RBPJL: variants seen among roughly 807,000 people sequenced by gnomAD.
The protein encoded by RBPJL is recombining binding protein suppressor of hairless-like protein.
In RBPJL, 50 loss-of-function variants were observed where a neutral mutation model predicts 57.6. That is an observed-to-expected ratio of 0.87 (90% confidence interval 0.69 to 1.10). RBPJL has a LOEUF of 1.10. Among genes scored for constraint, RBPJL ranks in the 50% least tolerant of loss-of-function variants. RBPJL has a pLI of 0.00. For synonymous variants in RBPJL, 303 were observed against 294.4 expected (o/e 1.03, Z -0.30); for missense variants, 684 against 693.7 (o/e 0.99, Z 0.16).
chr20:45,312,183 G>T lies in RBPJL; in HGVS notation c.445-38G>T, dbSNP rs534505426. Reference sequence around the variant, plus strand: ...AGGTTGGTTCATCCGACGGGGGAGGGCTGGGATGAGATGGCCCTGTACCTG... The same window carrying T: ...AGGTTGGTTCATCCGACGGGGGAGGTCTGGGATGAGATGGCCCTGTACCTG... On this transcript the variant is annotated intron_variant, in intron 5 of 11. Transcript: ENST00000343694. The T allele has an allele frequency of 5.7e-4, 912 of 1,613,468 alleles. 11 individuals are homozygous for T. In the South Asian group the frequency reaches 9.5e-3, roughly 17 times the overall value.
At chr20:45,311,983 C>T in intron 5 of RBPJL, 29 bp downstream of exon 5, 23 of 1,505,236 alleles carry the variant, frequency 1.5e-5, no homozygotes, top group Non-Finnish European at 1.9e-5. Flanking sequence ...GGGTCCGATT[C>T]CTGCTCCCAT....
At position 45,317,103 on chromosome 20, in the gene RBPJL, G is replaced by A; in HGVS notation, c.*144G>A. On this transcript the variant is annotated 3_prime_UTR_variant, in exon 12 of 12. Coordinates refer to ENST00000343694, the MANE Select transcript of RBPJL (RefSeq NM_014276.4). ...AGGCTCACCCTAGAAACCGGGCCTGGTGGGTCTTACCCGGCTCACTCCCTC... is the reference window on the plus strand; with the variant it reads ...AGGCTCACCCTAGAAACCGGGCCTGATGGGTCTTACCCGGCTCACTCCCTC... The A allele has an allele frequency of 2.0e-6, 2 of 1,013,580 alleles. No homozygotes were observed. The highest frequency in any genetic ancestry group is 2.9e-6 in the Non-Finnish European group (2 of 701,206). 62.8% of individuals were successfully genotyped at this position (1,013,580 alleles called of 1,614,324 possible). A position where few individuals can be genotyped will look rare whatever the true frequency, so the allele number is the denominator to read the frequency against.
chr20:45,312,389 A>G lies in RBPJL; in HGVS notation c.613A>G (p.Thr205Ala). ...PSQKKQSLKN[T>A]DLCISSGSKV... ...GCAGAAGAAGCAGTCGCTGAAAAAC[A>G]CCGATCGTGAGCAGGGCGGGGCCTG... Residue 205 changes from threonine to alanine, a missense_variant, in exon 6 of 12, where the codon ACC becomes GCC. Physicochemically the swap from Thr to Ala is moderately conservative, Grantham distance 58. Coordinates refer to ENST00000343694, the MANE Select transcript of RBPJL (RefSeq NM_014276.4). 4 of 1,613,236 alleles carry G rather than the reference A, an allele frequency of 2.5e-6. No homozygotes were observed. The South Asian group carries it at 4.4e-5, about 18-fold the overall frequency.
rs779909933 is a variant in RBPJL at position 45,312,219 on chromosome 20, A to G, written c.445-2A>G. 6.2e-7 allele frequency: 1 copy of G among 1,614,102 alleles called. No homozygotes were observed. Among genetic ancestry groups the G allele is most frequent in the Non-Finnish European group, 8.5e-7 (1 of 1,179,990 alleles). ...ATGGCCCTGTACCTGTGAGCCCCCT[A>G]GGAATTCGGCTGCGCCAAGACCCTG... On this transcript the variant is annotated splice_acceptor_variant, in intron 5 of 11. Coordinates refer to ENST00000343694, the MANE Select transcript of RBPJL (RefSeq NM_014276.4). LOFTEE classifies it high-confidence loss of function.
At position 45,316,559 on chromosome 20, in the gene RBPJL, T is replaced by C; in HGVS notation, c.1259T>C (p.Val420Ala). Residue 420 changes from valine to alanine, a missense_variant, in exon 11 of 12, where the codon GTG (valine) becomes GCG (alanine). Val to Ala is a moderately conservative substitution (Grantham distance 64, BLOSUM62 0). Transcript: ENST00000343694. ...GGGCTCAAGGTGTGGTTTGGGGACG[T>C]GGAGGCAGAAACCATGTACAGGTAC... Reference protein sequence around the residue: ...HAGLKVWFGDVEAETMYRSPR... With the variant: ...HAGLKVWFGDAEAETMYRSPR... 1 of 1,535,414 alleles carries C rather than the reference T, an allele frequency of 6.5e-7. No individual in the cohort carries two copies. Among genetic ancestry groups the C allele is most frequent in the Non-Finnish European group, 8.8e-7 (1 of 1,141,642 alleles).
chr20:45,308,076 G>A, intron 1 of RBPJL, 67 bp from the exon 2 acceptor site: 1 of 1,128,402 alleles, frequency 8.9e-7, no homozygotes, highest in Non-Finnish European at 1.3e-6. Context: ...ATCAGATAGG[G>A]CACCCTAGGC....
chr20:45,310,525 T>C (rs1987112446), intron 3 of RBPJL, among the ~76,000 whole-genome samples: 2 of 151,774 alleles, frequency 1.3e-5, no homozygotes, highest in African/African-American at 4.8e-5. Flanking sequence ...GATAATTGGT[T>C]GAACCCGGGA....
chr20:45,317,785 T>A lies in RBPJL; in HGVS notation c.*826T>A, dbSNP rs952436822. On this transcript the variant is annotated 3_prime_UTR_variant, in exon 12 of 12. Transcript: ENST00000343694. ...GCCCAGCAGGACGCAGTCCTGAGGA[T>A]CAGGGATTCTACAGCTGCATTAAAA... 2 of 152,346 alleles carry A rather than the reference T, an allele frequency of 1.3e-5. No homozygotes were observed. Among genetic ancestry groups the A allele is most frequent in the Non-Finnish European group, 2.9e-5 (2 of 68,172 alleles). The allele number at this position is 152,346 out of a possible 1,614,324, so 9.4% of individuals were successfully genotyped here.
intron 4 of RBPJL, 26 bp from the exon 5 acceptor site, chr20:45,311,813 C>T (rs1457321043): frequency 6.5e-7 from 1 of 1,541,110 alleles, no homozygotes; most frequent in Non-Finnish European, 8.8e-7. Flanking sequence ...CGAGTCCTTG[C>T]AGAGCCAGTT....
chr20:45,312,212 GC>G lies in RBPJL; in HGVS notation c.445-4del. The G allele has an allele frequency of 1.2e-6, 2 of 1,614,044 alleles. No homozygotes were observed. ...GGATGAGATGGCCCTGTACCTGTGA[GC>G]CCCCTAGGAATTCGGCTGCGCCAAG... On this transcript the variant is annotated splice_polypyrimidine_tract_variant and splice_region_variant and intron_variant, in intron 5 of 11. Coordinates refer to ENST00000343694, the MANE Select transcript of RBPJL (RefSeq NM_014276.4).
chr20:45,311,314 C>T (rs561106929), intron 3 of RBPJL, among the ~76,000 whole-genome samples: 9 of 152,018 alleles, frequency 5.9e-5, no homozygotes, highest in African/African-American at 1.9e-4. Context: ...AAAGTAATGG[C>T]GGCTGGGATG....
chr20:45,307,593 ATCTTGGTTAAGGT>A (rs2045113745), intron 1 of RBPJL, among the ~76,000 whole-genome samples: 1 of 152,102 alleles, frequency 6.6e-6, no homozygotes, highest in Non-Finnish European at 1.5e-5. Flanking sequence ...GGGCCCCTAA[ATCTTGGTTAAGGT>A]TCCCCTCATC....
chr20:45,316,880 C>G lies in RBPJL; in HGVS notation c.1475C>G (p.Ala492Gly). 1.2e-6 allele frequency: 2 copies of G among 1,613,782 alleles called. No individual in the cohort carries two copies. The highest frequency in any genetic ancestry group is 1.7e-6 in the Non-Finnish European group (2 of 1,179,798). ...RPGHPGVPEP[A>G]TDADALLESI... ...GGTCACCCCGGCGTCCCCGAGCCCG[C>G]CACCGACGCCGACGCGCTCCTGGAG... The change falls in exon 12 of 12, where the codon GCC becomes GGC. Residue 492 changes from alanine to glycine, a missense_variant. Physicochemically the swap from Ala to Gly is moderately conservative, Grantham distance 60. Transcript: ENST00000343694.
rs1008021232 is a variant in RBPJL at position 45,317,185 on chromosome 20, T to C, written c.*226T>C. The C allele has an allele frequency of 1.0e-5, 6 of 585,220 alleles. No homozygotes were observed. The highest frequency in any genetic ancestry group is 3.7e-5 in the African/African-American group (2 of 53,398). The allele number at this position is 585,220 out of a possible 1,614,324, so 36.3% of individuals were successfully genotyped here. A position where few individuals can be genotyped will look rare whatever the true frequency, so the allele number is the denominator to read the frequency against. On this transcript the variant is annotated 3_prime_UTR_variant, in exon 12 of 12. Coordinates refer to ENST00000343694, the MANE Select transcript of RBPJL (RefSeq NM_014276.4). ...CTGAGTGGTGCTGTCTTTGTGTCCG[T>C]CGTGTATGGCTCTCCCTGTCTTCAT...
At chr20:45,311,358 G>A (rs987014471) in intron 3 of RBPJL, among the ~76,000 whole-genome samples, 15 of 152,128 alleles carry the variant, frequency 9.9e-5, no homozygotes. Flanking sequence ...GTGGATTCTG[G>A]ATATATTATA....
In RBPJL at chr20:45,308,244, T is replaced by C. The variant is rs753814220; in HGVS notation, c.124T>C (p.Trp42Arg). The change falls in exon 2 of 12, where the codon TGG (tryptophan) becomes CGG (arginine). Residue 42 changes from tryptophan to arginine, a missense_variant. By Grantham distance (101) the Trp-to-Arg change is moderately radical (BLOSUM62 -3). Transcript: ENST00000343694. ...EADRRSLPGT[W>R]TRSSPEHTTI... The stretch of plus-strand genomic sequence containing the variant: ...CGACAGGCGGAGCCTCCCGGGCACT[T>C]GGACCAGGTAACGGCGGCGTGGCAG... 1 of 1,611,414 alleles carries C rather than the reference T, an allele frequency of 6.2e-7. No homozygotes were observed. The highest frequency in any genetic ancestry group is 1.1e-5 in the South Asian group (1 of 91,010).
At chr20:45,313,326 C>T (rs568431988) in intron 6 of RBPJL, 142 bp from the exon 7 acceptor site, 2 of 598,296 alleles carry the variant, frequency 3.3e-6, no homozygotes, top group Admixed American at 3.3e-5. Context: ...CTCACCCTCA[C>T]TCTAACCCTC....
Position 45,316,363 on chromosome 20 carries a change from C to G in RBPJL, c.1176+21C>G, listed in dbSNP as rs750957739. 10 of 1,612,458 alleles carry G rather than the reference C, an allele frequency of 6.2e-6. No homozygotes were observed. In the African/African-American group the frequency reaches 1.3e-4, roughly 22 times the overall value. ...TAGAGGTGAAGCCGGGCGCTAGGGG[C>G]GTTGGGCAGGGGGACCCTGCCTGCA... On this transcript the variant is annotated intron_variant, in intron 10 of 11. Transcript: ENST00000343694.
rs900217171 is a variant in RBPJL, at chr20:45,316,132, A to C, written c.1021-55A>C. On this transcript the variant is annotated intron_variant, in intron 9 of 11. Transcript: ENST00000343694. ...AGCCCACGCGCCATGCTGGCTCCCTACACTGGTGGCCACCATGAGAAGCTT... is the reference window on the plus strand; with the variant it reads ...AGCCCACGCGCCATGCTGGCTCCCTCCACTGGTGGCCACCATGAGAAGCTT... 5 of 1,576,568 alleles carry C rather than the reference A, an allele frequency of 3.2e-6. No individual in the cohort carries two copies. The African/African-American group carries it at 6.7e-5, about 21-fold the overall frequency.
Sources: allele counts gnomAD v4.1 joint callset (sites outside exome capture counted in the v4.1 genomes callset), GRCh38; gene constraint gnomAD v4.1.1; transcripts MANE v1.5; gene names NCBI Gene and HGNC (gene_info 2026-07-23, HGNC 2026-07-21).